Variants in NPAS3 observed in about 807,000 individuals in gnomAD.
NPAS3 encodes the protein neuronal PAS domain protein 3, also known as neuronal PAS domain-containing protein 3.
NPAS3 carries 14 observed loss-of-function variants against 73.1 expected under a neutral mutation model. The ratio of observed to expected loss-of-function variants is 0.19; its 90% confidence interval spans 0.13 to 0.30. The LOEUF (loss-of-function observed/expected upper bound fraction) is 0.30. NPAS3 is among the 10% of genes least tolerant of loss of function. NPAS3 has a pLI of 1.00. For missense variants in NPAS3, 1,096 were observed against 1,250.0 expected (o/e 0.88, Z 1.86); for synonymous variants, 620 against 541.5 (o/e 1.14, Z -2.01).
intron 2 of NPAS3, among the ~76,000 whole-genome samples, chr14:33,102,138 C>T (rs1007298530): frequency 6.6e-6 from 1 of 152,124 alleles, no homozygotes; most frequent in Non-Finnish European, 1.5e-5. Flanking sequence ...CTTGCCCTCT[C>T]CCACAATTCA....
rs144306965 is a variant in NPAS3, at chr14:33,645,363, A to G, written c.559-30848A>G. ...AGCACAACAGATTTTCCTTGAGTACATTAAAGTCCACAGGCTCTGTGTAGT... is the reference window on the plus strand; with the variant it reads ...AGCACAACAGATTTTCCTTGAGTACGTTAAAGTCCACAGGCTCTGTGTAGT... On this transcript the variant is annotated intron_variant, in intron 5 of 11. Transcript: ENST00000356141. Among the ~76,000 whole-genome samples, 891 of 152,304 alleles carry G rather than the reference A, an allele frequency of 5.9e-3. 20 individuals are homozygous for G. The East Asian group carries it at 0.074, about 13-fold the overall frequency.
chr14:33,711,906 G>T (rs1595484135), intron 6 of NPAS3, among the ~76,000 whole-genome samples: 1 of 152,052 alleles, frequency 6.6e-6, no homozygotes, highest in African/African-American at 2.4e-5. Context: ...GGATTTGAGG[G>T]GCCAGGGAGA....
At chr14:32,972,095 C>T (rs1180800324) in intron 1 of NPAS3, among the ~76,000 whole-genome samples, 4 of 151,972 alleles carry the variant, frequency 2.6e-5, no homozygotes, top group South Asian at 2.1e-4. Context: ...CTCGCCACCA[C>T]GCCTGGCTAA....
chr14:33,224,983 A>G (rs923210445), intron 3 of NPAS3, among the ~76,000 whole-genome samples: 1 of 152,202 alleles, frequency 6.6e-6, no homozygotes, highest in Non-Finnish European at 1.5e-5. Flanking sequence ...AAAAATCACT[A>G]GAATTCACTC....
chr14:33,154,522 C>T (rs1406357493), intron 2 of NPAS3, among the ~76,000 whole-genome samples: 1 of 152,210 alleles, frequency 6.6e-6, no homozygotes, highest in East Asian at 1.9e-4. Flanking sequence ...CTTTTTACGA[C>T]TCAGAGGATG....
chr14:33,712,770 G>C (rs1022238877), intron 6 of NPAS3, among the ~76,000 whole-genome samples: 1 of 152,152 alleles, frequency 6.6e-6, no homozygotes, highest in Non-Finnish European at 1.5e-5. Flanking sequence ...ACTAGAACCT[G>C]AGAAACCCAG....
chr14:33,749,432 G>A (rs2061895951), intron 7 of NPAS3, among the ~76,000 whole-genome samples: 1 of 152,190 alleles, frequency 6.6e-6, no homozygotes, highest in Non-Finnish European at 1.5e-5. Flanking sequence ...AGGCAGTTGA[G>A]TCTTGGGTAA....
At chr14:33,498,207 G>A (rs2139880218) in intron 4 of NPAS3, among the ~76,000 whole-genome samples, 1 of 152,244 alleles carries the variant, frequency 6.6e-6, no homozygotes, top group Non-Finnish European at 1.5e-5. Context: ...TGCTGGAGAG[G>A]ATGTGGAGAA....
chr14:33,167,400 T>C (rs902844244), intron 2 of NPAS3, among the ~76,000 whole-genome samples: 2 of 152,004 alleles, frequency 1.3e-5, no homozygotes, highest in Admixed American at 6.6e-5. Context: ...ATGGAATGAA[T>C]ACACACACGC....
At chr14:33,785,306 G>T (rs1013852755) in intron 9 of NPAS3, among the ~76,000 whole-genome samples, 6 of 151,480 alleles carry the variant, frequency 4.0e-5, no homozygotes, top group Non-Finnish European at 7.4e-5. Context: ...ATGGTGGCAG[G>T]TGCCTGTAAT....
In NPAS3 at chr14:33,040,369, C is replaced by T. The variant is rs1324461878; in HGVS notation, c.51-15536C>T. Among the ~76,000 whole-genome samples the T allele has an allele frequency of 2.0e-5, 3 of 152,072 alleles. No homozygotes were observed. In the East Asian group the frequency reaches 5.8e-4, roughly 29 times the overall value. On this transcript the variant is annotated intron_variant, in intron 1 of 11. Coordinates refer to ENST00000356141, the Ensembl canonical transcript of NPAS3. ...AGAAATCAAAAAGAGAACTGAAGTG[C>T]TGGGTAGGAGTGGAAGTTTTCCAAA...
intron 4 of NPAS3, among the ~76,000 whole-genome samples, chr14:33,555,889 G>GGTGT (rs142802411): frequency 0.36 from 53,721 of 148,388 alleles, 9,784 homozygotes; most frequent in East Asian, 0.52. Flanking sequence ...AATTGTTGTT[G>GGTGT]GTGTGTCTGT....
intron 5 of NPAS3, among the ~76,000 whole-genome samples, chr14:33,592,871 T>C (rs1299529017): frequency 1.3e-5 from 2 of 152,176 alleles, no homozygotes; most frequent in African/African-American, 4.8e-5. Context: ...TCAAATCTCA[T>C]TTTGTCACTT....
At chr14:33,458,198 GT>G (rs2050106578) in intron 4 of NPAS3, among the ~76,000 whole-genome samples, 1 of 152,162 alleles carries the variant, frequency 6.6e-6, no homozygotes, top group Non-Finnish European at 1.5e-5. Context: ...GTATTCTTTT[GT>G]TTTTTAAAAC....
exon 3 of NPAS3, chr14:33,215,395 G>A (rs1297324808): frequency 6.2e-7 from 1 of 1,614,004 alleles, no homozygotes; most frequent in Non-Finnish European, 8.5e-7. Flanking sequence ...ACTTGCGAAT[G>A]GAAGGCCCTC....
chr14:33,197,267 G>GTGTGTGTGTGTGTGTGTGTGTT (rs1555353807), intron 2 of NPAS3, among the ~76,000 whole-genome samples: 96 of 148,826 alleles, frequency 6.5e-4, no homozygotes, highest in South Asian at 3.2e-3. Context: ...GTGTGTGTGT[G>GTGTGTGTGTGTGTGTGTGTGTT]TTCTTTTTCA....
intron 2 of NPAS3, among the ~76,000 whole-genome samples, chr14:33,186,731 GC>G (rs2045988427): frequency 6.6e-6 from 1 of 152,164 alleles, no homozygotes; most frequent in Non-Finnish European, 1.5e-5. Flanking sequence ...TCATCAGCAA[GC>G]CTTGTTGAAT....
At chr14:33,149,916 T>C (rs1412965605) in intron 2 of NPAS3, among the ~76,000 whole-genome samples, 2 of 152,196 alleles carry the variant, frequency 1.3e-5, no homozygotes, top group Non-Finnish European at 2.9e-5. Flanking sequence ...GGTATTTCCC[T>C]AATGCTATCC....
At chr14:33,626,688 G>A (rs1318819759) in intron 5 of NPAS3, among the ~76,000 whole-genome samples, 2 of 152,148 alleles carry the variant, frequency 1.3e-5, no homozygotes, top group Non-Finnish European at 2.9e-5. Flanking sequence ...TTAGGTGCTG[G>A]GGCCACACCA....
Sources: allele counts gnomAD v4.1 joint callset (sites outside exome capture counted in the v4.1 genomes callset), GRCh38; gene constraint gnomAD v4.1.1; transcripts MANE v1.5; gene names NCBI Gene and HGNC (gene_info 2026-07-23, HGNC 2026-07-21).